The following UPP2 variants were observed in gnomAD, a reference collection of about 807,000 sequenced individuals.
UPP2 encodes uridine phosphorylase 2, also known as UPase 2.
In UPP2, 23 loss-of-function variants were observed where a neutral mutation model predicts 26.7. That is an observed-to-expected ratio of 0.86 (90% confidence interval 0.62 to 1.22). UPP2 has a LOEUF of 1.22. UPP2 is among the 50% of genes most tolerant of loss of function. The pLI is 0.00. For missense variants in UPP2, 387 were observed against 396.7 expected (o/e 0.98, Z 0.21); for synonymous variants, 127 against 141.3 (o/e 0.90, Z 0.72).
intron 3 of UPP2, among the ~76,000 whole-genome samples, chr2:158,028,400 T>G (rs929322597): frequency 1.3e-5 from 2 of 152,160 alleles, no homozygotes; most frequent in African/African-American, 4.8e-5. Flanking sequence ...AAGAGTCACC[T>G]TTGCTCCAGT....
At chr2:158,120,122 A>C (rs1347550766) in intron 4 of UPP2, among the ~76,000 whole-genome samples, 5 of 152,036 alleles carry the variant, frequency 3.3e-5, no homozygotes, top group Non-Finnish European at 7.4e-5. Context: ...AGCATTTTGT[A>C]ATTAAGTCTA....
intron 5 of UPP2, among the ~76,000 whole-genome samples, chr2:158,122,641 T>A (rs749534497): frequency 3.3e-5 from 5 of 150,614 alleles, no homozygotes; most frequent in Non-Finnish European, 7.5e-5. Context: ...TTTGCCAACA[T>A]TTACAATATC....
chr2:158,087,504 T>C (rs539406038), intron 3 of UPP2, among the ~76,000 whole-genome samples: 39 of 152,342 alleles, frequency 2.6e-4, no homozygotes, highest in African/African-American at 9.4e-4. Context: ...TATTGAGATG[T>C]GAGGTACTAT....
intron 3 of UPP2, among the ~76,000 whole-genome samples, chr2:158,039,968 T>C (rs565559164): frequency 2.1e-4 from 32 of 152,340 alleles, no homozygotes; most frequent in African/African-American, 7.5e-4. Context: ...GTGTGTTTCA[T>C]CTTTTAGTTT....
intron 3 of UPP2, among the ~76,000 whole-genome samples, chr2:158,096,837 A>AT (rs1170179866): frequency 6.6e-6 from 1 of 152,086 alleles, no homozygotes; most frequent in South Asian, 2.1e-4. Flanking sequence ...AACCAAAACT[A>AT]TTTTTTTATC....
At chr2:158,065,332 C>G (rs1449405088) in intron 3 of UPP2, among the ~76,000 whole-genome samples, 1 of 152,176 alleles carries the variant, frequency 6.6e-6, no homozygotes, top group Non-Finnish European at 1.5e-5. Flanking sequence ...CAGTGTGCTT[C>G]CTTTCTGTTG....
Position 158,027,177 on chromosome 2 carries a change from C to T in UPP2, c.147+11291C>T, listed in dbSNP as rs569692906. On this transcript the variant is annotated intron_variant, in intron 3 of 9. Transcript: ENST00000605860. ...AGTCCCCTAAAGTCTTAACTCATTT[C>T]AGCATTAACTGAAAAGTCCACAGTC... 5.3e-5 allele frequency among the ~76,000 whole-genome samples: 8 copies of T among 152,240 alleles called. No homozygotes were observed. In the South Asian group the frequency reaches 1.7e-3, roughly 32 times the overall value.
At chr2:158,063,749 C>T (rs1682390534) in intron 3 of UPP2, among the ~76,000 whole-genome samples, 2 of 152,152 alleles carry the variant, frequency 1.3e-5, no homozygotes. Context: ...CCTCCCTTAG[C>T]CTCCACCCCC....
At chr2:158,039,752 C>A (rs1207097813) in intron 3 of UPP2, among the ~76,000 whole-genome samples, 1 of 152,248 alleles carries the variant, frequency 6.6e-6, no homozygotes, top group Non-Finnish European at 1.5e-5. Context: ...AACCCAGATA[C>A]TAACTTGGTT....
chr2:158,104,865 G>T (rs1174571615), intron 1 of UPP2, among the ~76,000 whole-genome samples: 2 of 150,374 alleles, frequency 1.3e-5, no homozygotes, highest in Non-Finnish European at 3.0e-5. Context: ...AGGTTGCAGT[G>T]AGCTGAGATT....
chr2:158,125,564 A>G (rs1380817694), intron 6 of UPP2, among the ~76,000 whole-genome samples: 1 of 151,884 alleles, frequency 6.6e-6, no homozygotes, highest in Non-Finnish European at 1.5e-5. Context: ...TGGAATTACA[A>G]GCTTGTGCCA....
intron 3 of UPP2, among the ~76,000 whole-genome samples, chr2:158,116,109 C>A (rs886898379): frequency 6.6e-6 from 1 of 152,162 alleles, no homozygotes; most frequent in African/African-American, 2.4e-5. Context: ...TTGATGAAAA[C>A]CTGCGGTAAA....
At chr2:158,095,827 C>T (rs1257153609) in intron 3 of UPP2, among the ~76,000 whole-genome samples, 1 of 150,986 alleles carries the variant, frequency 6.6e-6, no homozygotes, top group Admixed American at 6.6e-5. Flanking sequence ...GATTTCTATT[C>T]TGAGTTGAAT....
rs149571410 is a variant in UPP2 at position 158,106,186 on chromosome 2, C to T, written c.150C>T (p.His50=). ...ACTTGGATTTGGGAACAAAAACACA[C>T]AACCTACCAGCAATGTTTGGAGATG... ...LYHLDLGTKT[H]NLPAMFGDVK... The change falls in exon 2 of 7, where the codon CAC becomes CAT. Residue 50 remains histidine, a synonymous_variant. Transcript: ENST00000005756. 1 of 1,612,418 alleles carries T rather than the reference C, an allele frequency of 6.2e-7. No homozygotes were observed. The highest frequency in any genetic ancestry group is 1.7e-5 in the Admixed American group (1 of 59,756).
chr2:158,026,532 T>A (rs906245308), intron 3 of UPP2, among the ~76,000 whole-genome samples: 2 of 152,028 alleles, frequency 1.3e-5, no homozygotes, highest in African/African-American at 4.8e-5. Flanking sequence ...TGCTGCTTGG[T>A]AGATGGAGGA....
chr2:158,012,263 C>CT (rs34807293), intron 2 of UPP2, among the ~76,000 whole-genome samples: 31,156 of 81,626 alleles, frequency 0.38, 6,109 homozygotes, highest in Admixed American at 0.51. Context: ...TTGTTTCTAC[C>CT]TTTTTTTTTT....
rs920791480 is a variant in UPP2, at chr2:158,064,631, C to T, written c.148-37409C>T. ...TCAATTTTGGCTTTTGTTGCCATTG[C>T]TTTTGGTGTTTTAGTCATGAAGTCT... On this transcript the variant is annotated intron_variant, in intron 3 of 9. Coordinates refer to the UPP2 transcript ENST00000605860. Among the ~76,000 whole-genome samples the T allele has an allele frequency of 1.1e-4, 16 of 152,186 alleles. 2 individuals are homozygous for T. Among genetic ancestry groups the T allele is most frequent in the Admixed American group, 8.5e-4 (13 of 15,292 alleles).
At chr2:158,004,027 T>G (rs1228313218) in intron 2 of UPP2, among the ~76,000 whole-genome samples, 1 of 152,208 alleles carries the variant, frequency 6.6e-6, no homozygotes, top group Non-Finnish European at 1.5e-5. Context: ...AATGAGATAA[T>G]TCATGCAGTG....
At chr2:158,132,947 T>C (rs950395144) in intron 6 of UPP2, among the ~76,000 whole-genome samples, 1 of 152,190 alleles carries the variant, frequency 6.6e-6, no homozygotes, top group Non-Finnish European at 1.5e-5. Flanking sequence ...GTACATCAAT[T>C]ATGAAAAACA....
Sources: gnomAD v4.1 joint callset for allele counts (sites outside exome capture counted in the v4.1 genomes callset) on GRCh38, gnomAD v4.1.1 for gene constraint, MANE v1.5 for transcripts, NCBI Gene and HGNC (gene_info 2026-07-23, HGNC 2026-07-21) for gene names.